The following SHANK2 variants were observed in gnomAD, a reference collection of about 807,000 sequenced individuals.
The protein encoded by SHANK2 is SH3 and multiple ankyrin repeat domains protein 2.
SHANK2 carries 43 observed loss-of-function variants against 133.7 expected under a neutral mutation model. The ratio of observed to expected loss-of-function variants is 0.32; its 90% CI spans 0.25 to 0.41. SHANK2 has a LOEUF of 0.41. Ranked by LOEUF, SHANK2 falls within the 10% of genes least tolerant of loss-of-function variation. The pLI is 1.00. For missense variants in SHANK2, 1,994 were observed against 2,235.8 expected, an observed-to-expected ratio of 0.89 and a Z score of 2.18; for synonymous variants, 1,017 against 952.8, an observed-to-expected ratio of 1.07 and a Z score of -1.24.
intron 9 of SHANK2, among the ~76,000 whole-genome samples, chr11:71,074,955 A>G (rs1400450959): frequency 1.3e-5 from 2 of 151,468 alleles, no homozygotes; most frequent in Admixed American, 6.6e-5. Flanking sequence ...AATTTTTTGT[A>G]TTTTTAGTAG....
chr11:70,550,097 G>A (rs1415380914), intron 17 of SHANK2, among the ~76,000 whole-genome samples: 3 of 152,128 alleles, frequency 2.0e-5, no homozygotes, highest in African/African-American at 4.8e-5. Flanking sequence ...ACCAGCTCCC[G>A]CCAGGCTCCC....
At chr11:70,651,187 G>A (rs1194155760) in intron 17 of SHANK2, among the ~76,000 whole-genome samples, 2 of 152,172 alleles carry the variant, frequency 1.3e-5, no homozygotes, top group East Asian at 3.9e-4. Flanking sequence ...CCAGTCCCAT[G>A]GCATCTGAGC....
intron 11 of SHANK2, among the ~76,000 whole-genome samples, chr11:70,854,249 G>A (rs73534014): frequency 0.034 from 5,184 of 152,260 alleles, 259 homozygotes; most frequent in African/African-American, 0.12. Context: ...AAAATTACTT[G>A]AGATCTCAAA....
intron 17 of SHANK2, 91 bp from the exon 18 acceptor site, chr11:70,503,022 A>T: frequency 7.0e-7 from 1 of 1,428,224 alleles, no homozygotes; most frequent in Non-Finnish European, 9.9e-7. Flanking sequence ...GTGGGCTCCT[A>T]AAAAGGGGGC....
At chr11:70,933,357 G>T (rs529811971) in intron 10 of SHANK2, 1 of 454,304 alleles carries the variant, frequency 2.2e-6, no homozygotes, top group African/African-American at 2.0e-5. Context: ...GTTACCAGAG[G>T]CTGGGGGAGG....
chr11:70,775,348 C>T (rs933242370), intron 14 of SHANK2, among the ~76,000 whole-genome samples: 2 of 152,074 alleles, frequency 1.3e-5, no homozygotes, highest in African/African-American at 2.4e-5. Context: ...CCCAGCTACT[C>T]GGGAGGGTGA....
intron 17 of SHANK2, among the ~76,000 whole-genome samples, chr11:70,527,174 G>A (rs1266987584): frequency 2.0e-5 from 3 of 152,206 alleles, no homozygotes; most frequent in Non-Finnish European, 4.4e-5. Context: ...GGAGAGCCCA[G>A]AGACCTGGTC....
intron 15 of SHANK2, among the ~76,000 whole-genome samples, chr11:70,676,889 C>A (rs1944914628): frequency 6.6e-6 from 1 of 152,116 alleles, no homozygotes; most frequent in Admixed American, 6.6e-5. Flanking sequence ...AGTCACAACC[C>A]CTCATCTCAA....
At chr11:70,883,114 G>A (rs555076971) in intron 11 of SHANK2, among the ~76,000 whole-genome samples, 1 of 152,294 alleles carries the variant, frequency 6.6e-6, no homozygotes, top group African/African-American at 2.4e-5. Flanking sequence ...CTTGTCAAGT[G>A]TCTGGGCTCC....
chr11:70,859,307 T>C (rs1257126933), intron 11 of SHANK2, among the ~76,000 whole-genome samples: 2 of 151,616 alleles, frequency 1.3e-5, no homozygotes, highest in African/African-American at 4.9e-5. Context: ...GATGGGTAGG[T>C]GAGTGGAGGG....
At chr11:70,528,538 G>A (rs890864633) in intron 17 of SHANK2, among the ~76,000 whole-genome samples, 10 of 152,126 alleles carry the variant, frequency 6.6e-5, no homozygotes, top group African/African-American at 2.4e-4. Context: ...CCATTAGCCT[G>A]CCCCGGTCAG....
rs1555154083 is a variant in SHANK2 at position 70,487,037 on chromosome 11, C to T, written c.3256G>A (p.Val1086Ile). ...TCCAGCCGCTTCTCACGGTCGCGGA[C>T]GGCTCCGGCGATGGCGGCGGCAAAG... Reference protein sequence around the residue: ...SPFAAAIAGAVRDREKRLEAR... With the variant: ...SPFAAAIAGAIRDREKRLEAR... Residue 1086 changes from valine to isoleucine, a missense_variant, in exon 25 of 26, where the codon GTC becomes ATC. Transcript: ENST00000601538. The surrounding 1 kb of genome is among the most constrained non-coding windows in gnomAD (Gnocchi z 5.8). The T allele has an allele frequency of 7.5e-6, 12 of 1,608,950 alleles. No homozygotes were observed. Among genetic ancestry groups the T allele is most frequent in the South Asian group, 1.1e-5 (1 of 91,048 alleles).
intron 2 of SHANK2, among the ~76,000 whole-genome samples, chr11:71,149,298 T>C (rs1281875261): frequency 6.6e-6 from 1 of 152,128 alleles, no homozygotes; most frequent in Non-Finnish European, 1.5e-5. Flanking sequence ...TAGAGACAGC[T>C]TTAGACCCTT....
chr11:70,647,851 T>C (rs1182244958), intron 17 of SHANK2, among the ~76,000 whole-genome samples: 1 of 150,646 alleles, frequency 6.6e-6, no homozygotes. Flanking sequence ...GGATGGGGAC[T>C]CTGGGGTGTG....
At chr11:71,163,093 A>AAAAATATATATATATATATATAT in intron 2 of SHANK2, among the ~76,000 whole-genome samples, 4 of 84,706 alleles carry the variant, frequency 4.7e-5, no homozygotes, top group East Asian at 2.5e-4. Context: ...AAAAAAAAAA[A>AAAAATATATATATATATATATAT]ATACATATAT....
intron 17 of SHANK2, among the ~76,000 whole-genome samples, chr11:70,635,870 G>A (rs1266589093): frequency 1.3e-5 from 2 of 152,314 alleles, no homozygotes; most frequent in East Asian, 1.9e-4. Flanking sequence ...TGCTGCTCAA[G>A]GGCCTCCAAT....
chr11:70,500,521 CA>C lies in SHANK2; in HGVS notation c.2308+48del, dbSNP rs782113787. On this transcript the variant is annotated intron_variant, in intron 21 of 25. Coordinates refer to ENST00000601538, the MANE Select transcript of SHANK2 (RefSeq NM_012309.5). The surrounding 1 kb of genome is among the most constrained non-coding windows in gnomAD (Gnocchi z 4.5). Reference sequence around the variant, plus strand: ...CATCACAAAGGATGTTTCTGTTCCACAGGGGGGTGATGGGCAGGGGGCTGAG... The same window carrying C: ...CATCACAAAGGATGTTTCTGTTCCACGGGGGGTGATGGGCAGGGGGCTGAG... The C allele has an allele frequency of 1.3e-6, 2 of 1,586,518 alleles. No homozygotes were observed. The highest frequency in any genetic ancestry group is 2.3e-5 in the East Asian group (1 of 43,642).
chr11:71,191,826 T>C (rs1005096905), intron 2 of SHANK2, among the ~76,000 whole-genome samples: 20 of 151,782 alleles, frequency 1.3e-4, no homozygotes, highest in Non-Finnish European at 2.6e-4. Context: ...AGTGCTGGGA[T>C]TACAGGTGTG....
intron 17 of SHANK2, among the ~76,000 whole-genome samples, chr11:70,564,576 C>T (rs1272233396): frequency 2.0e-5 from 3 of 152,048 alleles, no homozygotes; most frequent in Admixed American, 2.0e-4. Context: ...TATTTTTTCT[C>T]CCCTCCCCCT....
Sources: allele counts gnomAD v4.1 joint callset (sites outside exome capture counted in the v4.1 genomes callset), GRCh38; gene constraint gnomAD v4.1.1; non-coding constraint Gnocchi (gnomAD v3.1); transcripts MANE v1.5; gene names NCBI Gene and HGNC (gene_info 2026-07-23, HGNC 2026-07-21).